Variants in PON1 observed in about 807,000 individuals in gnomAD.
PON1 encodes paraoxonase 1, also known as serum paraoxonase/arylesterase 1.
A neutral mutation model predicts 39.2 loss-of-function variants in PON1; 37 were observed. The ratio of observed to expected loss-of-function variants is 0.94; its 90% CI spans 0.73 to 1.24. The LOEUF is 1.24. PON1 is among the 50% of genes most tolerant of loss of function. The probability of loss-of-function intolerance (pLI) is 0.00; values close to 1 mark genes in which losing one functional copy is unlikely to be tolerated. For synonymous variants in PON1, 148 were observed against 152.2 expected (o/e 0.97, Z 0.21); for missense variants, 397 against 413.5 (o/e 0.96, Z 0.35).
In PON1 at chr7:95,299,052, A is replaced by C; in HGVS notation, c.960T>G (p.Val320=). Residue 320 remains valine, a synonymous_variant, in exon 9 of 9, where the codon GTT becomes GTG. Transcript: ENST00000222381. ...GCAACACTGTGCCATTTTCTGCATA[A>C]ACCTGTGTCACTTTAGGTTCTTCTG... ...ILTEEPKVTQ[V]YAENGTVLQG... The C allele has an allele frequency of 1.9e-6, 3 of 1,614,110 alleles. No homozygotes were observed. Among genetic ancestry groups the C allele is most frequent in the Non-Finnish European group, 2.5e-6 (3 of 1,179,968 alleles).
intron 1 of PON1, 68 bp downstream of exon 1, chr7:95,324,334 G>A (rs1471602625): frequency 1.1e-5 from 16 of 1,484,192 alleles, no homozygotes; most frequent in East Asian, 4.5e-5. Context: ...CCAACTTTCT[G>A]GGGGCTCGTG....
At chr7:95,306,497 C>T in intron 6 of PON1, 131 bp from the exon 7 acceptor site, 1 of 721,924 alleles carries the variant, frequency 1.4e-6, no homozygotes, top group Non-Finnish European at 2.5e-6. Flanking sequence ...ACCTCAAACA[C>T]ACCAAATTCT....
At chr7:95,317,231 G>A (rs1182159761) in intron 2 of PON1, among the ~76,000 whole-genome samples, 2 of 152,140 alleles carry the variant, frequency 1.3e-5, no homozygotes, top group East Asian at 3.8e-4. Flanking sequence ...ATTCCAAATA[G>A]TTGAGTTAAA....
chr7:95,298,733 T>G lies in PON1; in HGVS notation c.*211A>C, dbSNP rs1469438956. 1.6e-6 allele frequency: 1 copy of G among 616,576 alleles called. No homozygotes were observed. The highest frequency in any genetic ancestry group is 2.9e-6 in the Non-Finnish European group (1 of 348,616). 38.2% of individuals were successfully genotyped at this position (616,576 alleles called of 1,614,324 possible). On this transcript the variant is annotated 3_prime_UTR_variant, in exon 9 of 9. Transcript: ENST00000222381. Reference sequence around the variant, plus strand: ...AAGGATTTTTATGGTAAATGAGGTTTTCAAGTATTCCAAGACTGATTTGAT... The same window carrying G: ...AAGGATTTTTATGGTAAATGAGGTTGTCAAGTATTCCAAGACTGATTTGAT...
At chr7:95,317,797 C>T (rs1399686851) in intron 2 of PON1, among the ~76,000 whole-genome samples, 1 of 152,020 alleles carries the variant, frequency 6.6e-6, no homozygotes, top group African/African-American at 2.4e-5. Flanking sequence ...TAATTACTTT[C>T]CCAGCATCCT....
chr7:95,299,556 C>G (rs1807370546), intron 8 of PON1, among the ~76,000 whole-genome samples: 1 of 152,040 alleles, frequency 6.6e-6, no homozygotes, highest in African/African-American at 2.4e-5. Context: ...GGCAGACCCA[C>G]CCTTAATCTG....
chr7:95,305,993 G>A (rs1807533225), intron 7 of PON1, among the ~76,000 whole-genome samples: 1 of 152,130 alleles, frequency 6.6e-6, no homozygotes, highest in Non-Finnish European at 1.5e-5. Flanking sequence ...AAGAAAGGCA[G>A]GAAGGGAGGG....
At chr7:95,312,800 A>T (rs1357462680) in intron 4 of PON1, among the ~76,000 whole-genome samples, 13 of 152,072 alleles carry the variant, frequency 8.5e-5, no homozygotes, top group Non-Finnish European at 1.3e-4. Context: ...ATATTCACTT[A>T]ATAGTGAGGT....
chr7:95,300,984 CT>C (rs201687198), intron 8 of PON1, among the ~76,000 whole-genome samples: 30 of 147,308 alleles, frequency 2.0e-4, no homozygotes, highest in South Asian at 2.2e-4. Context: ...ACATTTGTTT[CT>C]TTTTTTTTTA....
At chr7:95,323,016 C>T (rs79081900) in intron 1 of PON1, among the ~76,000 whole-genome samples, 33 of 152,304 alleles carry the variant, frequency 2.2e-4, no homozygotes, top group African/African-American at 6.7e-4. Flanking sequence ...ATGATATCAT[C>T]TCTTGCCTTC....
Position 95,318,406 on chromosome 7 carries a change from A to C in PON1, c.75-13T>G. 6.3e-7 allele frequency: 1 copy of C among 1,591,446 alleles called. No homozygotes were observed. The highest frequency in any genetic ancestry group is 8.6e-7 in the Non-Finnish European group (1 of 1,159,556). On this transcript the variant is annotated splice_polypyrimidine_tract_variant and intron_variant, in intron 1 of 8. Transcript: ENST00000222381. Reference sequence around the variant, plus strand: ...ATTAAGTCGTGTTCTGTGGGGGAGAAAGAAATAAAACACACACAAAACTAT... The same window carrying C: ...ATTAAGTCGTGTTCTGTGGGGGAGACAGAAATAAAACACACACAAAACTAT...
At position 95,297,750 on chromosome 7, in the gene PON1, C is replaced by G. The variant is rs1415529010; in HGVS notation, c.*1194G>C. On this transcript the variant is annotated 3_prime_UTR_variant, in exon 9 of 9. Transcript: ENST00000222381. ...GAAGTTGCAGTGAGCCAAGATCGCA[C>G]CACTGCACTCCAGCCTGGGCAACAG... The G allele has an allele frequency of 6.6e-6, 1 of 152,168 alleles. No homozygotes were observed. The highest frequency in any genetic ancestry group is 1.9e-4 in the East Asian group (1 of 5,184). The allele number at this position is 152,168 out of a possible 1,614,324, so 9.4% of individuals were successfully genotyped here.
chr7:95,308,057 C>G lies in PON1; in HGVS notation c.652G>C (p.Glu218Gln), dbSNP rs1210075881. Residue 218 changes from glutamate to glutamine, a missense_variant, in exon 6 of 9, where the codon GAA (glutamate) becomes CAA (glutamine). Transcript: ENST00000222381. ...ATTCCATTAGCAAAATCAAATCCTT[C>G]TGCCACCACTCGAACTTCACTTGGA... ...YSPSEVRVVA[E>Q]GFDFANGINI... 6.2e-7 allele frequency: 1 copy of G among 1,614,164 alleles called. No homozygotes were observed. The highest frequency in any genetic ancestry group is 2.2e-5 in the East Asian group (1 of 44,870).
intron 1 of PON1, among the ~76,000 whole-genome samples, chr7:95,319,157 G>A (rs1337596514): frequency 8.2e-6 from 1 of 122,498 alleles, no homozygotes; most frequent in Admixed American, 9.8e-5. Flanking sequence ...TAGAGAACTA[G>A]TGATACAGTA....
At chr7:95,324,244 C>T (rs1807962892) in intron 1 of PON1, among the ~76,000 whole-genome samples, 158 bp downstream of exon 1, 1 of 152,216 alleles carries the variant, frequency 6.6e-6, no homozygotes. Flanking sequence ...TGACACATGA[C>T]GGCTGGACAA....
chr7:95,302,362 A>G (rs1445451896), intron 7 of PON1, 29 bp from the exon 8 acceptor site: 3 of 1,588,624 alleles, frequency 1.9e-6, no homozygotes, highest in Non-Finnish European at 1.7e-6. Flanking sequence ...AGAAAAGAAC[A>G]AGACATAAAG....
chr7:95,317,484 A>C (rs1191134609), intron 2 of PON1, among the ~76,000 whole-genome samples: 1 of 151,202 alleles, frequency 6.6e-6, no homozygotes, highest in East Asian at 1.9e-4. Flanking sequence ...CAATCGCACC[A>C]TAAGATATCT....
intron 4 of PON1, among the ~76,000 whole-genome samples, chr7:95,313,618 A>ATGTGTG (rs3046663): frequency 0.03 from 4,391 of 147,188 alleles, 103 homozygotes; most frequent in African/African-American, 0.064. Flanking sequence ...ATATATGTAT[A>ATGTGTG]TGTGTGTGTG....
At chr7:95,313,655 TGTC>T in intron 4 of PON1, among the ~76,000 whole-genome samples, 1 of 150,910 alleles carries the variant, frequency 6.6e-6, no homozygotes, top group Non-Finnish European at 1.5e-5. Flanking sequence ...TGTGTGTGTG[TGTC>T]TCACATGGGG....
Sources: gnomAD v4.1 joint callset for allele counts (sites outside exome capture counted in the v4.1 genomes callset) on GRCh38, gnomAD v4.1.1 for gene constraint, MANE v1.5 for transcripts, NCBI Gene and HGNC (gene_info 2026-07-23, HGNC 2026-07-21) for gene names.